The following PPM1H variants were observed in gnomAD, a reference collection of about 807,000 sequenced individuals.
PPM1H encodes the protein protein phosphatase, Mg2+/Mn2+ dependent 1H.
PPM1H carries 27 observed loss-of-function variants against 54.9 expected under a neutral mutation model. That is an observed-to-expected ratio of 0.49 (90% CI 0.36 to 0.68). PPM1H has a LOEUF of 0.68. Ranked by LOEUF, PPM1H falls within the 30% of genes least tolerant of loss-of-function variation. PPM1H has a pLI of 0.00. For synonymous variants in PPM1H, 305 were observed against 270.8 expected, an observed-to-expected ratio of 1.13 and a Z score of -1.24; for missense variants, 596 against 667.8, an observed-to-expected ratio of 0.89 and a Z score of 1.19.
At chr12:62,755,458 G>A (rs189308579) in intron 4 of PPM1H, 3 of 687,050 alleles carry the variant, frequency 4.4e-6, no homozygotes, top group Non-Finnish European at 8.1e-6. Flanking sequence ...CATCTTCCAG[G>A]AGCGAGATCC....
intron 5 of PPM1H, among the ~76,000 whole-genome samples, chr12:62,733,479 G>A (rs541257207): frequency 1.3e-5 from 2 of 152,050 alleles, no homozygotes; most frequent in East Asian, 1.9e-4. Context: ...GGCTGGTCTC[G>A]AACTCCTGAC....
intron 9 of PPM1H, among the ~76,000 whole-genome samples, chr12:62,658,056 CAAAAAAAAA>C (rs34769800): frequency 9.3e-6 from 1 of 107,324 alleles, no homozygotes; most frequent in African/African-American, 3.5e-5. Flanking sequence ...ATCCAGGTTA[CAAAAAAAAA>C]AAAAAAAAAA....
intron 4 of PPM1H, among the ~76,000 whole-genome samples, chr12:62,769,659 C>A (rs1036409163): frequency 1.3e-5 from 2 of 152,092 alleles, no homozygotes; most frequent in African/African-American, 4.8e-5. Flanking sequence ...CATGGGAAAC[C>A]CTGAGGGACT....
At chr12:62,839,591 A>G (rs1357993672) in intron 1 of PPM1H, among the ~76,000 whole-genome samples, 1 of 151,700 alleles carries the variant, frequency 6.6e-6, no homozygotes, top group Non-Finnish European at 1.5e-5. Flanking sequence ...CATTGAAGTG[A>G]CCAGCCTGGC....
intron 6 of PPM1H, among the ~76,000 whole-genome samples, chr12:62,710,762 A>C (rs1315358839): frequency 6.6e-6 from 1 of 152,122 alleles, no homozygotes; most frequent in African/African-American, 2.4e-5. Context: ...TTTCTTCTCG[A>C]AACTGCCTTC....
chr12:62,861,317 G>A (rs1311121136), intron 1 of PPM1H, among the ~76,000 whole-genome samples: 1 of 152,162 alleles, frequency 6.6e-6, no homozygotes, highest in African/African-American at 2.4e-5. Flanking sequence ...GCTAGCATTA[G>A]GAAGCACTAA....
At chr12:62,699,770 G>C (rs568706858) in intron 6 of PPM1H, among the ~76,000 whole-genome samples, 1 of 152,268 alleles carries the variant, frequency 6.6e-6, no homozygotes, top group South Asian at 2.1e-4. Context: ...TTGTCCAAAA[G>C]GCTGAGAGAA....
intron 8 of PPM1H, among the ~76,000 whole-genome samples, chr12:62,681,905 T>C (rs2076020861): frequency 1.3e-5 from 2 of 152,202 alleles, no homozygotes; most frequent in African/African-American, 4.8e-5. Flanking sequence ...TTATGCCAGG[T>C]TTTTTGTTAA....
At chr12:62,763,899 A>C (rs1044302371) in intron 4 of PPM1H, among the ~76,000 whole-genome samples, 2 of 152,102 alleles carry the variant, frequency 1.3e-5, no homozygotes, top group African/African-American at 2.4e-5. Context: ...GCTTTTGAAC[A>C]TGTGGGGTGA....
At chr12:62,923,939 T>C (rs1445077884) in intron 1 of PPM1H, among the ~76,000 whole-genome samples, 1 of 109,226 alleles carries the variant, frequency 9.2e-6, no homozygotes, top group East Asian at 3.3e-4. Context: ...GAAACAATAT[T>C]TTCATAAAAC....
rs533027591 is a variant in PPM1H at position 62,768,528 on chromosome 12, G to A, written c.869+19698C>T. Among the ~76,000 whole-genome samples the A allele has an allele frequency of 3.3e-5, 5 of 152,142 alleles. No homozygotes were observed. In the South Asian group the frequency reaches 6.2e-4, roughly 19 times the overall value. Reference sequence around the variant, plus strand: ...AAATTAGCCAGGCATGGTGGCGGGCGCCTGTAATCCCAGCTACTTGGGAAG... The same window carrying A: ...AAATTAGCCAGGCATGGTGGCGGGCACCTGTAATCCCAGCTACTTGGGAAG... On this transcript the variant is annotated intron_variant, in intron 4 of 9. Coordinates refer to ENST00000228705, the MANE Select transcript of PPM1H (RefSeq NM_020700.2).
chr12:62,735,310 C>T (rs2076344538), intron 5 of PPM1H, among the ~76,000 whole-genome samples: 1 of 151,966 alleles, frequency 6.6e-6, no homozygotes, highest in African/African-American at 2.4e-5. Context: ...CTTCTGGGCT[C>T]AAGTGATCCT....
chr12:62,848,516 T>A (rs1334797293), intron 1 of PPM1H, among the ~76,000 whole-genome samples: 1 of 152,158 alleles, frequency 6.6e-6, no homozygotes, highest in Non-Finnish European at 1.5e-5. Context: ...TGCCTATGAG[T>A]CATCTGGAGG....
In PPM1H at chr12:62,873,449, C is replaced by A. The variant is rs563123425; in HGVS notation, c.246-41170G>T. On this transcript the variant is annotated intron_variant, in intron 1 of 9. Coordinates refer to ENST00000228705, the MANE Select transcript of PPM1H (RefSeq NM_020700.2). The stretch of plus-strand genomic sequence containing the variant: ...ACAAGAAGGCACTCTACCTTGCAGT[C>A]CCGAGAATGTTCACCTACAAAATGA... 2.0e-5 allele frequency among the ~76,000 whole-genome samples: 3 copies of A among 152,318 alleles called. No individual in the cohort carries two copies. The South Asian group carries it at 6.2e-4, about 32-fold the overall frequency.
chr12:62,755,800 C>G, intron 4 of PPM1H: 1 of 940,174 alleles, frequency 1.1e-6, no homozygotes, highest in Non-Finnish European at 1.7e-6. Context: ...TGGATGGCCC[C>G]TCTGGGAAAC....
At chr12:62,865,976 A>C (rs1227564754) in intron 1 of PPM1H, among the ~76,000 whole-genome samples, 5 of 152,276 alleles carry the variant, frequency 3.3e-5, no homozygotes, top group African/African-American at 1.2e-4. Flanking sequence ...TAAATTCCCT[A>C]AACTTCCAGC....
Position 62,722,551 on chromosome 12 carries a change from A to G in PPM1H, c.955-2262T>C, listed in dbSNP as rs189781994. 3.9e-5 allele frequency among the ~76,000 whole-genome samples: 6 copies of G among 152,328 alleles called. No homozygotes were observed. The East Asian group carries it at 1.2e-3, about 29-fold the overall frequency. ...CTACACACACATTTTTACAAAAGAT[A>G]GTAAAGGGGCCATAAGAGGCCTGTG... On this transcript the variant is annotated intron_variant, in intron 5 of 9. Coordinates refer to ENST00000228705, the MANE Select transcript of PPM1H (RefSeq NM_020700.2).
intron 1 of PPM1H, among the ~76,000 whole-genome samples, chr12:62,910,112 G>C (rs1871410004): frequency 6.6e-6 from 1 of 152,154 alleles, no homozygotes; most frequent in South Asian, 2.1e-4. Context: ...AGATGAACCA[G>C]TATGCACGAA....
chr12:62,883,172 A>C (rs985752090), intron 1 of PPM1H, among the ~76,000 whole-genome samples: 2 of 152,120 alleles, frequency 1.3e-5, no homozygotes, highest in Non-Finnish European at 2.9e-5. Flanking sequence ...CATCCTGCTC[A>C]CTTCTGCCTA....
Sources: allele counts gnomAD v4.1 joint callset (sites outside exome capture counted in the v4.1 genomes callset), GRCh38; gene constraint gnomAD v4.1.1; transcripts MANE v1.5; gene names NCBI Gene and HGNC (gene_info 2026-07-23, HGNC 2026-07-21).